The following PCDHGA11 variants were observed in gnomAD, a reference collection of about 807,000 sequenced individuals.
PCDHGA11 encodes protocadherin gamma subfamily A, 11.
PCDHGA11 carries 39 observed loss-of-function variants against 60.4 expected under a neutral mutation model. The ratio of observed to expected loss-of-function variants is 0.65; its 90% CI spans 0.50 to 0.84. The LOEUF (loss-of-function observed/expected upper bound fraction) is 0.84. Among genes scored for constraint, PCDHGA11 ranks in the 40% least tolerant of loss-of-function variants. The pLI is 0.00. For missense variants in PCDHGA11, 1,165 were observed against 1,197.7 expected (o/e 0.97, Z 0.40); for synonymous variants, 533 against 510.3 (o/e 1.04, Z -0.60).
Position 141,476,641 on chromosome 5 carries a change from C to A in PCDHGA11, c.2434-18166C>A, listed in dbSNP as rs1183948220. The A allele has an allele frequency of 1.2e-6, 2 of 1,614,256 alleles. No homozygotes were observed. The highest frequency in any genetic ancestry group is 1.7e-5 in the Admixed American group (1 of 60,030). On this transcript the variant is annotated intron_variant, in intron 1 of 3. Transcript: ENST00000398587. This position sits in a 1 kb window ranked among gnomAD's most constrained non-coding sequence, Gnocchi z 7.6. ...ACTCTTTACAAACCTATGAGCTGAG[C>A]CGAAATGAATACTTTGCGCTTCGCG... is the stretch of plus-strand genomic sequence containing the variant.
chr5:141,475,885 A>T, intron 1 of PCDHGA11: 1 of 556,524 alleles, frequency 1.8e-6, no homozygotes, highest in Non-Finnish European at 3.2e-6. Flanking sequence ...ATTGGCTGGG[A>T]CTCTGTGTGC....
intron 3 of PCDHGA11, among the ~76,000 whole-genome samples, chr5:141,510,230 G>A (rs1285202719): frequency 2.7e-5 from 4 of 149,638 alleles, no homozygotes; most frequent in Non-Finnish European, 5.9e-5. Context: ...CCGGGATCGC[G>A]CCACTGCACT....
intron 2 of PCDHGA11, among the ~76,000 whole-genome samples, chr5:141,496,335 C>G (rs2099768099): frequency 1.3e-5 from 2 of 152,204 alleles, no homozygotes; most frequent in Admixed American, 6.5e-5. Flanking sequence ...AAGTCAGGAG[C>G]CTGGAGGAGT....
In PCDHGA11 at chr5:141,491,633, C is replaced by T; in HGVS notation, c.2434-3174C>T. Reference sequence around the variant, plus strand: ...CTAAGACCCCTCAGCGTTCAGCAGCCCACAGCTCTGGCGCTGGAGCCTGAC... The same window carrying T: ...CTAAGACCCCTCAGCGTTCAGCAGCTCACAGCTCTGGCGCTGGAGCCTGAC... On this transcript the variant is annotated intron_variant, in intron 1 of 3. Transcript: ENST00000398587. This position sits in a 1 kb window ranked among gnomAD's most constrained non-coding sequence, Gnocchi z 6.9. 2 of 1,613,916 alleles carry T rather than the reference C, an allele frequency of 1.2e-6. No homozygotes were observed.
Position 141,489,429 on chromosome 5 carries a change from G to A in PCDHGA11, c.2434-5378G>A. 1 of 1,614,140 alleles carries A rather than the reference G, an allele frequency of 6.2e-7. No individual in the cohort carries two copies. Among genetic ancestry groups the A allele is most frequent in the Non-Finnish European group, 8.5e-7 (1 of 1,180,036 alleles). ...AGATGACAGATCTGTTGAGCCGGCG[G>A]CTGCAATTGGGCTCTGAGGAGAATG... On this transcript the variant is annotated intron_variant, in intron 1 of 3. Transcript: ENST00000398587. The surrounding 1 kb of genome is among the most constrained non-coding windows in gnomAD (Gnocchi z 4.5).
At position 141,422,807 on chromosome 5, in the gene PCDHGA11, G is replaced by C. The variant is rs199507728; in HGVS notation, c.1580G>C (p.Arg527Pro). 7 of 1,614,198 alleles carry C rather than the reference G, an allele frequency of 4.3e-6. No individual in the cohort carries two copies. Among genetic ancestry groups the C allele is most frequent in the Non-Finnish European group, 5.9e-6 (7 of 1,180,036 alleles). Reference sequence around the variant, plus strand: ...CAATCCTTCGACTATGAGCAGTTTCGAGACTTAGAACTGAGAGTGATAGCA... The same window carrying C: ...CAATCCTTCGACTATGAGCAGTTTCCAGACTTAGAACTGAGAGTGATAGCA... ...ALQSFDYEQF[R>P]DLELRVIARD... is the part of the protein sequence containing the mutation. Residue 527 changes from arginine to proline, a missense_variant, in exon 1 of 4, where the codon CGA (arginine) becomes CCA (proline). Arg to Pro is a moderately radical substitution (Grantham distance 103, BLOSUM62 -2). Transcript: ENST00000398587.
At chr5:141,466,655 AT>A (rs754296083) in intron 1 of PCDHGA11, among the ~76,000 whole-genome samples, 3 of 152,206 alleles carry the variant, frequency 2.0e-5, no homozygotes, top group Non-Finnish European at 4.4e-5. Context: ...TTCACAAAAC[AT>A]CAGTGATTTC....
Position 141,491,834 on chromosome 5 carries a change from CG to C in PCDHGA11, c.2434-2970del. On this transcript the variant is annotated intron_variant, in intron 1 of 3. Transcript: ENST00000398587. This position sits in a 1 kb window ranked among gnomAD's most constrained non-coding sequence, Gnocchi z 6.9. ...CGCTGGCTGCGCTCCACCCGATTCT[CG>C]GGATCATTGGACCGTTTGCGCGAAA... 1 of 1,473,830 alleles carries C rather than the reference CG, an allele frequency of 6.8e-7. No homozygotes were observed. Among genetic ancestry groups the C allele is most frequent in the Middle Eastern group, 1.8e-4 (1 of 5,590 alleles). The allele number at this position is 1,473,830 out of a possible 1,614,324, so 91.3% of individuals were successfully genotyped here.
At position 141,422,391 on chromosome 5, in the gene PCDHGA11, T is replaced by A. The variant is rs1036823508; in HGVS notation, c.1164T>A (p.Pro388=). Residue 388 remains proline, a synonymous_variant, in exon 1 of 4, where the codon CCT becomes CCA. Transcript: ENST00000398587. ...ATGGTCAAGTCTCCTGTTTTATTCCTAACCACCTGCCTTTTAAATTAGAAA... is the reference window on the plus strand; with the variant it reads ...ATGGTCAAGTCTCCTGTTTTATTCCAAACCACCTGCCTTTTAAATTAGAAA... ...GENGQVSCFI[P]NHLPFKLEKT... is the part of the protein sequence containing the mutation. 2.5e-6 allele frequency: 4 copies of A among 1,591,932 alleles called. No individual in the cohort carries two copies. The African/African-American group carries it at 4.1e-5, about 16-fold the overall frequency.
Position 141,433,020 on chromosome 5 carries a change from C to T in PCDHGA11, c.2433+9360C>T, listed in dbSNP as rs761127608. 1.1e-5 allele frequency: 17 copies of T among 1,614,152 alleles called. No individual in the cohort carries two copies. The South Asian group carries it at 1.9e-4, about 18-fold the overall frequency. On this transcript the variant is annotated intron_variant, in intron 1 of 3. Coordinates refer to ENST00000398587, the MANE Select transcript of PCDHGA11 (RefSeq NM_018914.3). ...GTGCAGGCTTTCCTGCAGACCTATTCCCACGAGGTTTCCCTCACCACGGAC... is the reference window on the plus strand; with the variant it reads ...GTGCAGGCTTTCCTGCAGACCTATTTCCACGAGGTTTCCCTCACCACGGAC...
chr5:141,433,054 G>A, intron 1 of PCDHGA11: 2 of 1,614,196 alleles, frequency 1.2e-6, no homozygotes, highest in Non-Finnish European at 1.7e-6. Context: ...ACTCGCGGAA[G>A]AGTCACCTGA....
Position 141,431,388 on chromosome 5 carries a change from T to G in PCDHGA11, c.2433+7728T>G. 1 of 1,613,920 alleles carries G rather than the reference T, an allele frequency of 6.2e-7. No individual in the cohort carries two copies. The highest frequency in any genetic ancestry group is 8.5e-7 in the Non-Finnish European group (1 of 1,180,038). ...CGCGAAGAAAAGGCTGCTCACCACC[T>G]GGTCCTTACGGCCTCCGACGGGGGC... On this transcript the variant is annotated intron_variant, in intron 1 of 3. Transcript: ENST00000398587. The surrounding 1 kb of genome is among the most constrained non-coding windows in gnomAD (Gnocchi z 4.8).
chr5:141,455,833 G>A (rs999291826), intron 1 of PCDHGA11, among the ~76,000 whole-genome samples: 1 of 151,468 alleles, frequency 6.6e-6, no homozygotes, highest in Admixed American at 6.6e-5. Flanking sequence ...CCCTTTTCCT[G>A]TCTATCTGCA....
chr5:141,441,665 A>C (rs994092543), intron 1 of PCDHGA11: 10 of 265,838 alleles, frequency 3.8e-5, no homozygotes, highest in African/African-American at 2.1e-4. Context: ...CCTTGAGCGC[A>C]CAGTGCGCCT....
At chr5:141,501,510 T>G (rs11744379) in intron 2 of PCDHGA11, among the ~76,000 whole-genome samples, 29,206 of 151,772 alleles carry the variant, frequency 0.19, 2,837 homozygotes, top group Middle Eastern at 0.24. Context: ...CTCCAAGGCC[T>G]CCAAGCTGAA....
intron 1 of PCDHGA11, chr5:141,426,679 T>A (rs1008777231): frequency 9.3e-6 from 4 of 431,308 alleles, no homozygotes; most frequent in African/African-American, 2.0e-5. Context: ...CCACCTCATT[T>A]TCCCCAAAAT....
chr5:141,432,627 C>T lies in PCDHGA11; in HGVS notation c.2433+8967C>T. ...GGACTCTTCTCGGTGGGTCTGCACA[C>T]GGGCGAGGTGCGCACGGCGCGAGCC... On this transcript the variant is annotated intron_variant, in intron 1 of 3. Coordinates refer to ENST00000398587, the MANE Select transcript of PCDHGA11 (RefSeq NM_018914.3). This position sits in a 1 kb window ranked among gnomAD's most constrained non-coding sequence, Gnocchi z 6.0. 1.2e-6 allele frequency: 2 copies of T among 1,613,770 alleles called. No individual in the cohort carries two copies. Among genetic ancestry groups the T allele is most frequent in the Non-Finnish European group, 1.7e-6 (2 of 1,179,944 alleles).
At chr5:141,460,596 C>G (rs930441447) in intron 1 of PCDHGA11, among the ~76,000 whole-genome samples, 2 of 151,986 alleles carry the variant, frequency 1.3e-5, no homozygotes, top group Non-Finnish European at 2.9e-5. Flanking sequence ...TTTCTGGGCT[C>G]TCTGTGTTAG....
chr5:141,455,047 C>T (rs2098811276), intron 1 of PCDHGA11, among the ~76,000 whole-genome samples: 1 of 150,004 alleles, frequency 6.7e-6, no homozygotes, highest in African/African-American at 2.5e-5. Context: ...CTCCTGACCT[C>T]GTGATCCGCC....
Sources: allele counts gnomAD v4.1 joint callset (sites outside exome capture counted in the v4.1 genomes callset), GRCh38; gene constraint gnomAD v4.1.1; non-coding constraint Gnocchi (gnomAD v3.1); transcripts MANE v1.5; gene names NCBI Gene and HGNC (gene_info 2026-07-23, HGNC 2026-07-21).